ARL14EPL: variants seen among roughly 807,000 people sequenced by gnomAD.
ARL14EPL encodes ARF like GTPase 14 effector protein like, also known as ARL14 effector protein-like.
Under a neutral mutation model 15.9 loss-of-function variants are expected in ARL14EPL, and 17 were observed. The ratio of observed to expected loss-of-function variants is 1.07; its 90% CI spans 0.73 to 1.60. ARL14EPL has a LOEUF of 1.60. Ranked by LOEUF, ARL14EPL falls within the 40% of genes most tolerant of loss-of-function variation. The pLI is 0.00. For synonymous variants in ARL14EPL, 78 were observed against 63.8 expected (o/e 1.22, Z -1.06); for missense variants, 214 against 185.9 (o/e 1.15, Z -0.88).
chr5:116,055,886 G>C (rs1561581467), intron 3 of ARL14EPL, among the ~76,000 whole-genome samples: 1 of 152,062 alleles, frequency 6.6e-6, no homozygotes, highest in Non-Finnish European at 1.5e-5. Context: ...CTGTGAGTGA[G>C]AACATGCGGT....
chr5:116,054,571 C>T (rs1035073585), intron 3 of ARL14EPL, among the ~76,000 whole-genome samples: 1 of 152,212 alleles, frequency 6.6e-6, no homozygotes, highest in African/African-American at 2.4e-5. Context: ...GTGGCTCACA[C>T]CTGTAATTCC....
In ARL14EPL at chr5:116,058,833, T is replaced by G; in HGVS notation, c.345T>G (p.Cys115Trp). 6.5e-7 allele frequency: 1 copy of G among 1,536,104 alleles called. No individual in the cohort carries two copies. The highest frequency in any genetic ancestry group is 2.4e-5 in the East Asian group (1 of 40,920). The change falls in exon 4 of 4, where the codon TGT (cysteine) becomes TGG (tryptophan). Residue 115 changes from cysteine to tryptophan, a missense_variant. Transcript: ENST00000686077. ...GCTGCTTCTACCCATGCCCGAAGTGTAACTCCAACAAGTGTGGGCCCGAGT... is the reference window on the plus strand; with the variant it reads ...GCTGCTTCTACCCATGCCCGAAGTGGAACTCCAACAAGTGTGGGCCCGAGT... ...CLGCFYPCPK[C>W]NSNKCGPECR...
chr5:116,053,533 G>A (rs939675066), intron 2 of ARL14EPL, among the ~76,000 whole-genome samples: 2 of 152,128 alleles, frequency 1.3e-5, no homozygotes, highest in East Asian at 3.9e-4. Context: ...GGCCAGTCCC[G>A]GGTAGGGAGT....
At chr5:116,046,757 AT>A (rs1749274966) in intron 1 of ARL14EPL, among the ~76,000 whole-genome samples, 2 of 152,096 alleles carry the variant, frequency 1.3e-5, no homozygotes. Flanking sequence ...TTCTGAAGGG[AT>A]TTTTAAGGGT....
At chr5:116,037,314 G>A (rs755198118) in intron 1 of ARL14EPL, among the ~76,000 whole-genome samples, 6 of 152,160 alleles carry the variant, frequency 3.9e-5, no homozygotes, top group Non-Finnish European at 8.8e-5. Context: ...ATGTGACACC[G>A]CATTGACACA....
At chr5:116,045,106 G>A (rs956882916) in intron 1 of ARL14EPL, among the ~76,000 whole-genome samples, 7 of 152,090 alleles carry the variant, frequency 4.6e-5, no homozygotes, top group Admixed American at 1.3e-4. Context: ...AGTAGAGAAC[G>A]AAGAGGAAAA....
In ARL14EPL at chr5:116,056,040, T is replaced by C. The variant is rs182874642; in HGVS notation, c.236+1887T>C. ...TATGTGCCACATTGTCTTAATCCAG[T>C]CTATCATTGTTGGACATTTCGGTTG... On this transcript the variant is annotated intron_variant, in intron 3 of 3. Transcript: ENST00000686077. Among the ~76,000 whole-genome samples the C allele has an allele frequency of 1.9e-3, 296 of 152,344 alleles. 1 individual carries two copies. The highest frequency in any genetic ancestry group is 6.7e-3 in the African/African-American group (280 of 41,582).
In ARL14EPL at chr5:116,056,153, G is replaced by T. The variant is rs1174751746; in HGVS notation, c.236+2000G>T. On this transcript the variant is annotated intron_variant, in intron 3 of 3. Coordinates refer to ENST00000686077, the MANE Select transcript of ARL14EPL (RefSeq NM_001195581.2). ...AGCAGCATGATTTATAGTCCTTTGGGTATATATGCAGTAATGGGATGGCTG... is the reference window on the plus strand; with the variant it reads ...AGCAGCATGATTTATAGTCCTTTGGTTATATATGCAGTAATGGGATGGCTG... 3.3e-5 allele frequency among the ~76,000 whole-genome samples: 5 copies of T among 151,904 alleles called. 1 individual carries two copies. Among genetic ancestry groups the T allele is most frequent in the Admixed American group, 1.3e-4 (2 of 15,236 alleles).
intron 3 of ARL14EPL, among the ~76,000 whole-genome samples, chr5:116,056,153 G>GTA (rs1749511423): frequency 6.6e-6 from 1 of 151,904 alleles, no homozygotes; most frequent in Non-Finnish European, 1.5e-5. Flanking sequence ...AGTCCTTTGG[G>GTA]TATATATGCA....
At chr5:116,052,611 G>A (rs1478239151) in intron 2 of ARL14EPL, among the ~76,000 whole-genome samples, 2 of 152,146 alleles carry the variant, frequency 1.3e-5, no homozygotes, top group Non-Finnish European at 2.9e-5. Context: ...AATAGTAATC[G>A]CTTCGTACTA....
At chr5:116,055,631 A>G (rs1749498094) in intron 3 of ARL14EPL, among the ~76,000 whole-genome samples, 1 of 149,786 alleles carries the variant, frequency 6.7e-6, no homozygotes, top group South Asian at 2.1e-4. Flanking sequence ...GTGACTTTAT[A>G]TATATACATA....
intron 3 of ARL14EPL, among the ~76,000 whole-genome samples, chr5:116,056,650 A>C (rs1286301053): frequency 6.6e-6 from 1 of 152,122 alleles, no homozygotes; most frequent in Non-Finnish European, 1.5e-5. Context: ...TCTTTAGTTT[A>C]ATTAGATCCC....
chr5:116,058,852 C>A lies in ARL14EPL; in HGVS notation c.364C>A (p.Pro122Thr), dbSNP rs922857430. Residue 122 changes from proline to threonine, a missense_variant, in exon 4 of 4, where the codon CCC (proline) becomes ACC (threonine). By Grantham distance (38) the Pro-to-Thr change is conservative. Transcript: ENST00000686077. The part of the protein sequence containing the change: ...CPKCNSNKCG[P>T]ECRCNRRWVY... ...GAAGTGTAACTCCAACAAGTGTGGG[C>A]CCGAGTGCCGCTGCAACCGACGGTG... The A allele has an allele frequency of 1.3e-6, 2 of 1,535,956 alleles. No homozygotes were observed. The highest frequency in any genetic ancestry group is 2.7e-5 in the African/African-American group (2 of 73,026).
chr5:116,054,588 T>A (rs1489443865), intron 3 of ARL14EPL, among the ~76,000 whole-genome samples: 1 of 152,142 alleles, frequency 6.6e-6, no homozygotes, highest in African/African-American at 2.4e-5. Flanking sequence ...TTCCAACACT[T>A]TGGGAGGCCA....
At chr5:116,039,996 A>T (rs73780803) in intron 1 of ARL14EPL, among the ~76,000 whole-genome samples, 1,620 of 152,298 alleles carry the variant, frequency 0.011, 27 homozygotes, top group African/African-American at 0.037. Context: ...TTTCCACAAC[A>T]TTATTTTAAT....
At chr5:116,053,625 G>T (rs1749448051) in intron 2 of ARL14EPL, among the ~76,000 whole-genome samples, 1 of 152,090 alleles carries the variant, frequency 6.6e-6, no homozygotes, top group Non-Finnish European at 1.5e-5. Context: ...ACACTACATG[G>T]GCTTCTTTAG....
At chr5:116,039,961 T>C (rs1749118418) in intron 1 of ARL14EPL, among the ~76,000 whole-genome samples, 1 of 152,198 alleles carries the variant, frequency 6.6e-6, no homozygotes, top group East Asian at 1.9e-4. Flanking sequence ...ATAATGTGTA[T>C]TGATCTTCCT....
At chr5:116,053,939 A>C in intron 2 of ARL14EPL, 75 bp from the exon 3 acceptor site, 1 of 1,311,636 alleles carries the variant, frequency 7.6e-7, no homozygotes, top group Admixed American at 2.6e-5. Flanking sequence ...AAGTTACAGA[A>C]AGTTCATTTT....
chr5:116,036,285 A>C (rs1340549202), intron 1 of ARL14EPL, among the ~76,000 whole-genome samples: 1 of 152,192 alleles, frequency 6.6e-6, no homozygotes, highest in Admixed American at 6.5e-5. Flanking sequence ...AGATACCATT[A>C]CACTCTGAGA....
Sources: gnomAD v4.1 joint callset for allele counts (sites outside exome capture counted in the v4.1 genomes callset) on GRCh38, gnomAD v4.1.1 for gene constraint, MANE v1.5 for transcripts, NCBI Gene and HGNC (gene_info 2026-07-23, HGNC 2026-07-21) for gene names.